LDLRAD4: variants seen among roughly 807,000 people sequenced by gnomAD.
The protein encoded by LDLRAD4 is low-density lipoprotein receptor class A domain-containing protein 4.
A neutral mutation model predicts 17.0 loss-of-function variants in LDLRAD4; 5 were observed. The observed-to-expected ratio is 0.29, with a 90% CI of 0.15 to 0.62. The LOEUF (loss-of-function observed/expected upper bound fraction) is 0.62. Among genes scored for constraint, LDLRAD4 ranks in the 20% least tolerant of loss-of-function variants. LDLRAD4 has a pLI of 0.84. For synonymous variants in LDLRAD4, 168 were observed against 171.8 expected (o/e 0.98, Z 0.17); for missense variants, 340 against 424.7 (o/e 0.80, Z 1.75).
intron 3 of LDLRAD4, among the ~76,000 whole-genome samples, chr18:13,472,992 G>A (rs1181405840): frequency 6.6e-6 from 1 of 152,204 alleles, no homozygotes; most frequent in Admixed American, 6.5e-5. Context: ...TCTCTGAACA[G>A]CATTTGTTTG....
At chr18:13,527,624 T>A (rs1203772802) in intron 3 of LDLRAD4, among the ~76,000 whole-genome samples, 2 of 152,180 alleles carry the variant, frequency 1.3e-5, no homozygotes, top group Non-Finnish European at 2.9e-5. Context: ...AGGAAATTTG[T>A]TAGGACTCGG....
intron 3 of LDLRAD4, among the ~76,000 whole-genome samples, chr18:13,620,230 G>A (rs1432379097): frequency 6.6e-6 from 1 of 152,204 alleles, no homozygotes; most frequent in African/African-American, 2.4e-5. Flanking sequence ...GTGCATGCAT[G>A]TGTGTGCATG....
chr18:13,575,177 C>G lies in LDLRAD4; in HGVS notation c.182-45940C>G, dbSNP rs186182592. Among the ~76,000 whole-genome samples, 313 of 152,268 alleles carry G rather than the reference C, an allele frequency of 2.1e-3. 2 individuals are homozygous for G. Among genetic ancestry groups the G allele is most frequent in the African/African-American group, 7.3e-3 (305 of 41,554 alleles). On this transcript the variant is annotated intron_variant, in intron 3 of 5. Coordinates refer to ENST00000359446, the Ensembl canonical transcript of LDLRAD4. ...GTGAGATTCTGGTGCACCCATCACC[C>G]GAGCAGCCTTCACTGTACCCAATAT...
intron 2 of LDLRAD4, among the ~76,000 whole-genome samples, chr18:13,400,087 T>G (rs758871922): frequency 1.3e-5 from 2 of 152,222 alleles, no homozygotes; most frequent in Non-Finnish European, 2.9e-5. Context: ...CGTTAGCGGT[T>G]ATTGACTTTC....
At chr18:13,314,734 A>G (rs1008337420) in intron 1 of LDLRAD4, among the ~76,000 whole-genome samples, 3 of 152,178 alleles carry the variant, frequency 2.0e-5, no homozygotes, top group Admixed American at 6.5e-5. Flanking sequence ...GGGAGACAAA[A>G]CGTAGAGTTT....
chr18:13,344,132 G>A (rs1199247024), intron 1 of LDLRAD4, among the ~76,000 whole-genome samples: 1 of 152,150 alleles, frequency 6.6e-6, no homozygotes, highest in Non-Finnish European at 1.5e-5. Context: ...ATTGCTTTTG[G>A]TGTTTTAAAC....
chr18:13,310,594 C>T (rs2047179644), intron 1 of LDLRAD4, among the ~76,000 whole-genome samples: 1 of 152,156 alleles, frequency 6.6e-6, no homozygotes, highest in East Asian at 1.9e-4. Flanking sequence ...GCAGTGACAG[C>T]TGCCTGGACC....
intron 1 of LDLRAD4, among the ~76,000 whole-genome samples, chr18:13,326,773 CTT>C (rs112335716): frequency 1.4e-5 from 2 of 145,238 alleles, no homozygotes; most frequent in Admixed American, 6.9e-5. Context: ...GGGTCCCGAG[CTT>C]TTTTTTTTTG....
At chr18:13,633,029 T>C (rs868536566) in intron 4 of LDLRAD4, among the ~76,000 whole-genome samples, 5 of 150,176 alleles carry the variant, frequency 3.3e-5, no homozygotes, top group South Asian at 2.1e-4. Flanking sequence ...AGGAGACCCA[T>C]AGAGGGTAGC....
chr18:13,613,671 T>A (rs2039811271), intron 3 of LDLRAD4: 1 of 152,224 alleles, frequency 6.6e-6, no homozygotes, highest in East Asian at 1.9e-4. Context: ...GGATGAAGGC[T>A]TGGGCTTTCA....
At chr18:13,583,924 C>T (rs1404246940) in intron 3 of LDLRAD4, among the ~76,000 whole-genome samples, 3 of 152,180 alleles carry the variant, frequency 2.0e-5, no homozygotes, top group Non-Finnish European at 4.4e-5. Context: ...GGTCACCTCG[C>T]CCTGCTCCCC....
intron 1 of LDLRAD4, among the ~76,000 whole-genome samples, chr18:13,321,428 T>A (rs747444022): frequency 6.6e-6 from 1 of 152,226 alleles, no homozygotes; most frequent in Non-Finnish European, 1.5e-5. Flanking sequence ...CTCATTCATC[T>A]CCCTCAAATT....
At chr18:13,269,774 G>A (rs2044420937) in intron 1 of LDLRAD4, among the ~76,000 whole-genome samples, 1 of 152,136 alleles carries the variant, frequency 6.6e-6, no homozygotes, top group Non-Finnish European at 1.5e-5. Flanking sequence ...CAGCAGGCAT[G>A]GTCTCATTCT....
At chr18:13,571,845 C>T (rs922507299) in intron 3 of LDLRAD4, among the ~76,000 whole-genome samples, 10 of 152,144 alleles carry the variant, frequency 6.6e-5, no homozygotes, top group South Asian at 4.2e-4. Flanking sequence ...ACCGTGTTAA[C>T]CAGGATGGTC....
chr18:13,399,432 C>A (rs2086972606), intron 2 of LDLRAD4, among the ~76,000 whole-genome samples: 1 of 152,164 alleles, frequency 6.6e-6, no homozygotes, highest in African/African-American at 2.4e-5. Context: ...GGGGAAAATA[C>A]ATCCATTTAT....
chr18:13,293,752 G>A (rs2046105054), intron 1 of LDLRAD4, among the ~76,000 whole-genome samples: 1 of 152,186 alleles, frequency 6.6e-6, no homozygotes, highest in South Asian at 2.1e-4. Context: ...TTAATTTTCA[G>A]GTGGCAGTTT....
At chr18:13,636,055 A>G (rs2042055384) in intron 4 of LDLRAD4, among the ~76,000 whole-genome samples, 2 of 152,150 alleles carry the variant, frequency 1.3e-5, no homozygotes, top group South Asian at 4.1e-4. Flanking sequence ...AACCCTGCCC[A>G]CAGCCTTATA....
intron 1 of LDLRAD4, among the ~76,000 whole-genome samples, chr18:13,285,961 T>G (rs986525358): frequency 2.0e-5 from 3 of 152,222 alleles, no homozygotes; most frequent in Admixed American, 6.5e-5. Flanking sequence ...CAGTATATTT[T>G]AACCATTTTT....
chr18:13,421,866 CTGGGGT>C (rs1009440720), intron 2 of LDLRAD4, among the ~76,000 whole-genome samples: 22 of 152,334 alleles, frequency 1.4e-4, no homozygotes, highest in African/African-American at 4.8e-4. Context: ...GGGCCTGGGG[CTGGGGT>C]GGGCAGGAGT....
Sources: allele counts gnomAD v4.1 joint callset (sites outside exome capture counted in the v4.1 genomes callset), GRCh38; gene constraint gnomAD v4.1.1; transcripts MANE v1.5; gene names NCBI Gene and HGNC (gene_info 2026-07-23, HGNC 2026-07-21).